Variants in AGAP3 observed in about 807,000 individuals in gnomAD.
The protein encoded by AGAP3 is ArfGAP with GTPase domain, ankyrin repeat and PH domain 3.
In AGAP3, 24 loss-of-function variants were observed where a neutral mutation model predicts 96.9. The ratio of observed to expected loss-of-function variants is 0.25; its 90% confidence interval spans 0.18 to 0.35. AGAP3 has a LOEUF of 0.35. Ranked by LOEUF, AGAP3 falls within the 10% of genes least tolerant of loss-of-function variation. The pLI, the probability that AGAP3 is intolerant of heterozygous loss-of-function variation, is 1.00. For missense variants in AGAP3, 876 were observed against 1,254.2 expected (o/e 0.70, Z 4.55); for synonymous variants, 563 against 536.1 (o/e 1.05, Z -0.69).
At chr7:151,132,928 A>G (rs6968877) in intron 10 of AGAP3, among the ~76,000 whole-genome samples, 52,541 of 152,076 alleles carry the variant, frequency 0.35, 9,538 homozygotes, top group East Asian at 0.49. Flanking sequence ...GGACAGTGTC[A>G]GTTTTCCCTG....
At chr7:151,129,160 T>TG (rs948991461) in intron 10 of AGAP3, among the ~76,000 whole-genome samples, 2 of 152,136 alleles carry the variant, frequency 1.3e-5, no homozygotes, top group Admixed American at 6.5e-5. Flanking sequence ...GTGTCCCAGC[T>TG]GGGGGGTGTT....
intron 10 of AGAP3, among the ~76,000 whole-genome samples, chr7:151,129,144 T>C (rs1800301213): frequency 6.6e-6 from 1 of 152,086 alleles, no homozygotes; most frequent in Non-Finnish European, 1.5e-5. Flanking sequence ...GGTGGCCACG[T>C]GGCCTGTGTC....
rs184108722 is a variant in AGAP3, at chr7:151,090,814, G to T, written c.331+3742G>T. On this transcript the variant is annotated intron_variant, in intron 1 of 17. Transcript: ENST00000397238. ...GAAAAATTAGCCGGGCGTGGTGGCG[G>T]GCACCTGTAGTCCCAGCTACTCGGG... 4.3e-4 allele frequency among the ~76,000 whole-genome samples: 65 copies of T among 152,208 alleles called. 1 individual carries two copies. The highest frequency in any genetic ancestry group is 4.2e-3 in the Admixed American group (65 of 15,300).
chr7:151,142,474 C>T lies in AGAP3; in HGVS notation c.2113C>T (p.Arg705Ter). ...GTGCATTGAGTGCTCAGGCATCCAC[C>T]GACACCTGGGGGCTCACCTGTCCCG... ...LMCIECSGIHRHLGAHLSRVR... is the reference protein window; with the variant it reads ...LMCIECSGIH Residue 705 changes from arginine to a stop codon, truncating the protein, a stop_gained, in exon 16 of 18, where the codon CGA (arginine) becomes TGA (stop). Transcript: ENST00000397238. LOFTEE classifies it high-confidence loss of function. This position sits in a 1 kb window ranked among gnomAD's most constrained non-coding sequence, Gnocchi z 7.5. 9 of 1,613,998 alleles carry T rather than the reference C, an allele frequency of 5.6e-6. No homozygotes were observed. Among genetic ancestry groups the T allele is most frequent in the Non-Finnish European group, 7.6e-6 (9 of 1,180,040 alleles).
At chr7:151,115,329 A>T (rs1799510131) in intron 1 of AGAP3, 2 of 1,012,870 alleles carry the variant, frequency 2.0e-6, no homozygotes, top group Non-Finnish European at 2.4e-6. Flanking sequence ...GGCGGCGCTC[A>T]GGAAGAGCTT....
intron 1 of AGAP3, among the ~76,000 whole-genome samples, chr7:151,104,553 T>C (rs1798963732): frequency 6.6e-6 from 1 of 152,130 alleles, no homozygotes. Flanking sequence ...CTGATGAACA[T>C]GAAAAGGCGC....
chr7:151,103,572 GAC>G (rs1798918065), intron 1 of AGAP3, among the ~76,000 whole-genome samples: 1 of 152,076 alleles, frequency 6.6e-6, no homozygotes, highest in African/African-American at 2.4e-5. Flanking sequence ...AGCAGTTGTA[GAC>G]ACACTGACAC....
rs1162765513 is a variant in AGAP3, at chr7:151,086,565, T to C, written c.-177T>C. ...CGGCCACAGCGTGCGCGGCGGCGCC[T>C]CCTGGCCTCGGCCTCCGGCCCCCGG... On this transcript the variant is annotated 5_prime_UTR_variant, in exon 1 of 18. Transcript: ENST00000397238. 2.0e-5 allele frequency among the ~76,000 whole-genome samples: 3 copies of C among 146,892 alleles called. No homozygotes were observed. The highest frequency in any genetic ancestry group is 2.0e-4 in the Admixed American group (3 of 14,782).
chr7:151,122,833 C>T (rs1258939328), intron 8 of AGAP3: 8 of 1,611,504 alleles, frequency 5.0e-6, no homozygotes, highest in Non-Finnish European at 6.8e-6. Flanking sequence ...GCCCCCTGTG[C>T]GGGGCCGGAG....
At chr7:151,098,955 C>T (rs1199718163) in intron 1 of AGAP3, among the ~76,000 whole-genome samples, 4 of 151,552 alleles carry the variant, frequency 2.6e-5, no homozygotes, top group Non-Finnish European at 4.4e-5. Context: ...AGACTGGTCT[C>T]GAACTCCTGA....
intron 8 of AGAP3, chr7:151,120,764 T>G: frequency 8.4e-7 from 1 of 1,191,458 alleles, no homozygotes; most frequent in Non-Finnish European, 1.1e-6. Context: ...TGTCTCCTTG[T>G]GAGCTCCTCA....
intron 1 of AGAP3, among the ~76,000 whole-genome samples, chr7:151,103,127 C>T (rs756361335): frequency 6.6e-6 from 1 of 152,246 alleles, no homozygotes; most frequent in Non-Finnish European, 1.5e-5. Flanking sequence ...TGTGTGCTTA[C>T]GTGCCCTTCT....
At chr7:151,109,515 C>T (rs569198284) in intron 1 of AGAP3, among the ~76,000 whole-genome samples, 80 of 152,324 alleles carry the variant, frequency 5.3e-4, no homozygotes, top group African/African-American at 1.9e-3. Flanking sequence ...ATTGACTTCC[C>T]TTGGTGTCTG....
intron 1 of AGAP3, among the ~76,000 whole-genome samples, chr7:151,103,802 C>G (rs1798927894): frequency 6.6e-6 from 1 of 152,194 alleles, no homozygotes; most frequent in Non-Finnish European, 1.5e-5. Context: ...TACCTTTTCC[C>G]CCATGACATG....
intron 1 of AGAP3, chr7:151,115,518 C>T: frequency 3.8e-6 from 4 of 1,040,056 alleles, no homozygotes; most frequent in Non-Finnish European, 4.6e-6. Flanking sequence ...CGGCCGCCCC[C>T]GCACCGCCGC....
intron 9 of AGAP3, among the ~76,000 whole-genome samples, chr7:151,124,445 C>T (rs887976573): frequency 2.6e-5 from 4 of 152,228 alleles, no homozygotes; most frequent in Non-Finnish European, 5.9e-5. Context: ...CATTGCCCCA[C>T]GGAGGGCGTC....
At chr7:151,090,543 C>T (rs931703029) in intron 1 of AGAP3, 1 of 152,284 alleles carries the variant, frequency 6.6e-6, no homozygotes, top group African/African-American at 2.4e-5. Flanking sequence ...CCTAAAGGGA[C>T]TAAGGTAAAG....
At chr7:151,121,839 CTCA>C (rs1290557424) in intron 8 of AGAP3, among the ~76,000 whole-genome samples, 4 of 152,244 alleles carry the variant, frequency 2.6e-5, no homozygotes, top group African/African-American at 7.2e-5. Flanking sequence ...GACCTCCCCT[CTCA>C]TCATTGCTGT....
At chr7:151,107,866 C>G (rs750838880) in intron 1 of AGAP3, among the ~76,000 whole-genome samples, 2 of 152,238 alleles carry the variant, frequency 1.3e-5, no homozygotes, top group Admixed American at 6.5e-5. Context: ...GGCATAGAGC[C>G]GTACGATGCT....
Sources: gnomAD v4.1 joint callset for allele counts (sites outside exome capture counted in the v4.1 genomes callset) on GRCh38, gnomAD v4.1.1 for gene constraint, Gnocchi (gnomAD v3.1) non-coding constraint, MANE v1.5 for transcripts, NCBI Gene and HGNC (gene_info 2026-07-23, HGNC 2026-07-21) for gene names.